GAREM1: variants seen among roughly 807,000 people sequenced by gnomAD.
GAREM1 encodes the protein GRB2 associated regulator of MAPK1 subtype 1.
In GAREM1, 26 loss-of-function variants were observed where a neutral mutation model predicts 71.3. The ratio of observed to expected loss-of-function variants is 0.36; its 90% CI spans 0.27 to 0.51. The LOEUF (loss-of-function observed/expected upper bound fraction) is 0.51. Among genes scored for constraint, GAREM1 ranks in the 20% least tolerant of loss-of-function variants. GAREM1 has a pLI of 0.95. For missense variants in GAREM1, 1,026 were observed against 1,103.1 expected, an observed-to-expected ratio of 0.93 and a Z score of 0.99; for synonymous variants, 440 against 433.2, an observed-to-expected ratio of 1.02 and a Z score of -0.20.
rs772989462 is a variant in GAREM1 at position 32,266,422 on chromosome 18, C to T, written c.*1449G>A. 4.6e-5 allele frequency: 7 copies of T among 152,180 alleles called. No individual in the cohort carries two copies. Among genetic ancestry groups the T allele is most frequent in the Non-Finnish European group, 8.8e-5 (6 of 68,042 alleles). 9.4% of individuals were successfully genotyped at this position (152,180 alleles called of 1,614,324 possible). On this transcript the variant is annotated 3_prime_UTR_variant, in exon 6 of 6. Coordinates refer to ENST00000269209, the MANE Select transcript of GAREM1 (RefSeq NM_001242409.2). Reference sequence around the variant, plus strand: ...GCACCTCGGTCATGGGCTGTCCGCACATCTGGAATCTGGGGCCAGACTCTC... The same window carrying T: ...GCACCTCGGTCATGGGCTGTCCGCATATCTGGAATCTGGGGCCAGACTCTC...
At chr18:32,297,564 C>A (rs1053281048) in intron 3 of GAREM1, among the ~76,000 whole-genome samples, 1 of 152,170 alleles carries the variant, frequency 6.6e-6, no homozygotes, top group Non-Finnish European at 1.5e-5. Context: ...TGTGTTGAAG[C>A]CCAAACCACT....
rs1031686765 is a variant in GAREM1 at position 32,263,866 on chromosome 18, G to A, written c.*4005C>T. 5.3e-5 allele frequency: 8 copies of A among 152,150 alleles called. No individual in the cohort carries two copies. Among genetic ancestry groups the A allele is most frequent in the African/African-American group, 1.7e-4 (7 of 41,430 alleles). 9.4% of individuals were successfully genotyped at this position (152,150 alleles called of 1,614,324 possible). A position where few individuals can be genotyped will look rare whatever the true frequency, so the allele number is the denominator to read the frequency against. On this transcript the variant is annotated 3_prime_UTR_variant, in exon 6 of 6. Coordinates refer to ENST00000269209, the MANE Select transcript of GAREM1 (RefSeq NM_001242409.2). ...AAGGTTTATAGCTAAGAAATTATCT[G>A]AGCCCTACTACATGAGATTGTAAAC...
chr18:32,402,883 G>C (rs113272380), intron 1 of GAREM1, among the ~76,000 whole-genome samples: 5 of 114,542 alleles, frequency 4.4e-5, no homozygotes, highest in African/African-American at 1.9e-4. Flanking sequence ...TGCTCGTGGA[G>C]TGGACCTTTT....
chr18:32,399,278 C>G (rs984970880), intron 1 of GAREM1, among the ~76,000 whole-genome samples: 1 of 152,152 alleles, frequency 6.6e-6, no homozygotes, highest in Admixed American at 6.6e-5. Context: ...GGGATGCCCT[C>G]TCTCACCACT....
intron 1 of GAREM1, among the ~76,000 whole-genome samples, chr18:32,402,110 T>C (rs2048320934): frequency 6.6e-6 from 1 of 152,208 alleles, no homozygotes; most frequent in African/African-American, 2.4e-5. Context: ...AATGAATTCA[T>C]AAAGTAAACA....
At chr18:32,353,800 A>G (rs2047776970) in intron 2 of GAREM1, among the ~76,000 whole-genome samples, 1 of 152,176 alleles carries the variant, frequency 6.6e-6, no homozygotes, top group African/African-American at 2.4e-5. Flanking sequence ...CTGGGCCTTT[A>G]TGATTTAGAA....
intron 1 of GAREM1, among the ~76,000 whole-genome samples, chr18:32,405,745 G>C (rs1339817213): frequency 6.6e-6 from 1 of 152,172 alleles, no homozygotes; most frequent in Non-Finnish European, 1.5e-5. Flanking sequence ...TCGACCAATG[G>C]CTAAATATTG....
intron 1 of GAREM1, among the ~76,000 whole-genome samples, chr18:32,422,912 G>A (rs1261816314): frequency 6.6e-6 from 1 of 152,196 alleles, no homozygotes; most frequent in Non-Finnish European, 1.5e-5. Flanking sequence ...TTCCTGATCA[G>A]TCAGTGGCGA....
At chr18:32,457,470 T>C (rs2048907446) in intron 1 of GAREM1, among the ~76,000 whole-genome samples, 1 of 151,974 alleles carries the variant, frequency 6.6e-6, no homozygotes, top group Non-Finnish European at 1.5e-5. Context: ...AACTCTCCTC[T>C]GATAACACAC....
intron 2 of GAREM1, among the ~76,000 whole-genome samples, chr18:32,368,225 T>A (rs1361961450): frequency 6.6e-6 from 1 of 152,164 alleles, no homozygotes; most frequent in South Asian, 2.1e-4. Flanking sequence ...ATGCTGGAAC[T>A]TGTCTCTAAG....
At chr18:32,336,134 A>G (rs2047590358) in intron 2 of GAREM1, among the ~76,000 whole-genome samples, 1 of 152,194 alleles carries the variant, frequency 6.6e-6, no homozygotes. Context: ...GGGATGTTAT[A>G]AAAACCATAC....
chr18:32,294,292 G>A (rs1567952957), intron 3 of GAREM1, among the ~76,000 whole-genome samples: 1 of 152,166 alleles, frequency 6.6e-6, no homozygotes, highest in African/African-American at 2.4e-5. Context: ...TTACGCATAC[G>A]TGTATCTGTA....
chr18:32,398,500 T>A (rs1200962759), intron 1 of GAREM1, among the ~76,000 whole-genome samples: 1 of 151,992 alleles, frequency 6.6e-6, no homozygotes, highest in Admixed American at 6.6e-5. Flanking sequence ...CACCGATCCC[T>A]CAGAAACACA....
chr18:32,470,351 C>CATTTTTTA lies in GAREM1; in HGVS notation c.77_78insTAAAAAAT (p.Val27LysfsTer21). The CATTTTTTA allele has an allele frequency of 6.4e-7, 1 of 1,560,402 alleles. No homozygotes were observed. Among genetic ancestry groups the CATTTTTTA allele is most frequent in the East Asian group, 2.6e-5 (1 of 39,006 alleles). Reference sequence around the variant, plus strand: ...TCTGGGGCAGCCGGTAAGTGCTGACCAGGAGGTCGAGCGGCACGGCCACCG... The same window carrying CATTTTTTA: ...TCTGGGGCAGCCGGTAAGTGCTGACCATTTTTTAAGGAGGTCGAGCGGCACGGCCACCG... On this transcript the variant is annotated frameshift_variant, in exon 1 of 6. Transcript: ENST00000269209. LOFTEE classifies it high-confidence loss of function. This position sits in a 1 kb window ranked among gnomAD's most constrained non-coding sequence, Gnocchi z 4.4.
At chr18:32,423,625 A>C (rs2048543067) in intron 1 of GAREM1, among the ~76,000 whole-genome samples, 1 of 152,218 alleles carries the variant, frequency 6.6e-6, no homozygotes, top group Non-Finnish European at 1.5e-5. Flanking sequence ...ACCACCTCAC[A>C]ACTGTGTAAC....
chr18:32,268,089 G>T lies in GAREM1; in HGVS notation c.2413C>A (p.Pro805Thr), dbSNP rs1006727197. 1 of 1,614,016 alleles carries T rather than the reference G, an allele frequency of 6.2e-7. No individual in the cohort carries two copies. The highest frequency in any genetic ancestry group is 8.5e-7 in the Non-Finnish European group (1 of 1,180,036). ...ATAGAGAGTCCTGATAGGTCAGCAG[G>T]TGGCTGCCATGGGGAACCGTCGCCA... ...SCGDGSPWQP[P>T]ADLSGLSIEE... The change falls in exon 6 of 6, where the codon CCT becomes ACT. Residue 805 changes from proline to threonine, a missense_variant. This residue lies in a region of GAREM1 where 636 missense variants were observed against 631.2 expected (regional missense o/e 1.01). Coordinates refer to ENST00000269209, the MANE Select transcript of GAREM1 (RefSeq NM_001242409.2).
chr18:32,448,574 G>A (rs1405404526), intron 1 of GAREM1, among the ~76,000 whole-genome samples: 1 of 151,824 alleles, frequency 6.6e-6, no homozygotes, highest in Non-Finnish European at 1.5e-5. Flanking sequence ...CAGAAGCAGA[G>A]GCTCTCTAGA....
intron 2 of GAREM1, among the ~76,000 whole-genome samples, chr18:32,317,832 G>C (rs896939307): frequency 1.3e-5 from 2 of 152,022 alleles, no homozygotes; most frequent in Admixed American, 6.6e-5. Flanking sequence ...TCAAATCTTG[G>C]AGACAATCTA....
At chr18:32,352,429 C>G (rs2047761438) in intron 2 of GAREM1, among the ~76,000 whole-genome samples, 1 of 152,140 alleles carries the variant, frequency 6.6e-6, no homozygotes, top group Admixed American at 6.5e-5. Context: ...AATCTTTTCA[C>G]AGTCACTCCT....
Sources: gnomAD v4.1 joint callset for allele counts (sites outside exome capture counted in the v4.1 genomes callset) on GRCh38, gnomAD v4.1.1 for gene constraint, gnomAD v4.1.1 regional missense constraint, Gnocchi (gnomAD v3.1) non-coding constraint, MANE v1.5 for transcripts, NCBI Gene and HGNC (gene_info 2026-07-23, HGNC 2026-07-21) for gene names.